HDAC9: variants seen among roughly 807,000 people sequenced by gnomAD.
HDAC9 encodes the protein MEF-2 interacting transcription repressor (MITR) protein.
A neutral mutation model predicts 139.4 loss-of-function variants in HDAC9; 41 were observed. The ratio of observed to expected loss-of-function variants is 0.29; its 90% CI spans 0.23 to 0.38. The LOEUF is 0.38. Among genes scored for constraint, HDAC9 ranks in the 10% least tolerant of loss-of-function variants. HDAC9 has a pLI of 1.00. For missense variants in HDAC9, 1,147 were observed against 1,297.0 expected (o/e 0.88, Z 1.78); for synonymous variants, 517 against 476.2 (o/e 1.09, Z -1.12).
rs534492125 is a variant in HDAC9 at position 18,115,013 on chromosome 7, C to T, written c.-97+27800C>T. On this transcript the variant is annotated intron_variant, in intron 1 of 12. Transcript: ENST00000417496. ...TATATTTCTAAAAAATTCATATGTC[C>T]GGGCACAGTGGCTCATGCCTGTAAT... is the stretch of plus-strand genomic sequence containing the variant. 1.8e-4 allele frequency among the ~76,000 whole-genome samples: 28 copies of T among 152,226 alleles called. No homozygotes were observed. In the East Asian group the frequency reaches 2.1e-3, roughly 12 times the overall value.
intron 2 of HDAC9, among the ~76,000 whole-genome samples, chr7:18,211,184 G>C (rs541912951): frequency 6.6e-6 from 1 of 152,264 alleles, no homozygotes; most frequent in African/African-American, 2.4e-5. Flanking sequence ...CATTTCACCC[G>C]TTGTTTTACA....
At chr7:18,582,056 C>T (rs75298448) in intron 2 of HDAC9, among the ~76,000 whole-genome samples, 10,289 of 152,250 alleles carry the variant, frequency 0.068, 613 homozygotes, top group African/African-American at 0.16. Flanking sequence ...CAGGCACATG[C>T]ACATGGACAT....
intron 6 of HDAC9, among the ~76,000 whole-genome samples, chr7:18,596,630 T>A (rs1268770738): frequency 6.6e-6 from 1 of 152,152 alleles, no homozygotes; most frequent in Non-Finnish European, 1.5e-5. Flanking sequence ...AGCTACATCA[T>A]ACTAAATGAA....
At chr7:18,335,930 C>G (rs1781551935) in intron 1 of HDAC9, among the ~76,000 whole-genome samples, 2 of 151,590 alleles carry the variant, frequency 1.3e-5, no homozygotes, top group Non-Finnish European at 3.0e-5. Context: ...TTCAGTCACA[C>G]AGACATTTTG....
intron 25 of HDAC9, among the ~76,000 whole-genome samples, chr7:18,989,686 T>C (rs1301539600): frequency 1.3e-5 from 2 of 149,226 alleles, no homozygotes; most frequent in Non-Finnish European, 3.0e-5. Flanking sequence ...CACTTTCAGG[T>C]ACACCAATCA....
chr7:18,333,893 T>G (rs2859972), intron 1 of HDAC9, among the ~76,000 whole-genome samples: 36,130 of 151,156 alleles, frequency 0.24, 4,387 homozygotes, highest in Middle Eastern at 0.27. Flanking sequence ...AGTACAGTTA[T>G]TTTAAAAATG....
At chr7:18,466,135 G>A (rs1416526526) in intron 1 of HDAC9, among the ~76,000 whole-genome samples, 8 of 152,118 alleles carry the variant, frequency 5.3e-5, no homozygotes, top group East Asian at 1.9e-4. Flanking sequence ...TGTTCTTAAC[G>A]ATGACCACTC....
At chr7:18,984,454 CAG>C (rs146444039) in intron 25 of HDAC9, among the ~76,000 whole-genome samples, 4 of 150,860 alleles carry the variant, frequency 2.7e-5, no homozygotes, top group Non-Finnish European at 4.4e-5. Flanking sequence ...TAAGCTTTCA[CAG>C]AGAGAGAGAG....
intron 12 of HDAC9, among the ~76,000 whole-genome samples, chr7:18,705,878 AT>A (rs533581703): frequency 0.018 from 2,597 of 142,292 alleles, 403 homozygotes; most frequent in African/African-American, 0.065. Flanking sequence ...ATAAAATAAA[AT>A]AAAAGAAATG....
exon 2 of HDAC9, chr7:18,162,238 C>T: frequency 1.6e-6 from 2 of 1,228,822 alleles, no homozygotes; most frequent in South Asian, 1.3e-5. Context: ...GGTTTCTCCT[C>T]TGCCAACCCC....
intron 21 of HDAC9, among the ~76,000 whole-genome samples, chr7:18,853,299 A>G (rs1797438571): frequency 6.6e-6 from 1 of 152,288 alleles, no homozygotes; most frequent in South Asian, 2.1e-4. Context: ...GAAGACTTCA[A>G]TCCATACCAG....
Position 18,457,374 on chromosome 7 carries a change from T to C in HDAC9, c.-41-38888T>C, listed in dbSNP as rs565212393. On this transcript the variant is annotated intron_variant, in intron 1 of 3. Transcript: ENST00000413509. ...GAAATTGCTTCAGTGAATATATTTG[T>C]GAAGAAATAAAATTGCTTCAGTGAA... Among the ~76,000 whole-genome samples the C allele has an allele frequency of 3.4e-4, 52 of 152,292 alleles. 1 individual carries two copies. The East Asian group carries it at 0.01, about 29-fold the overall frequency.
At chr7:18,326,830 C>T (rs1488262746) in intron 1 of HDAC9, among the ~76,000 whole-genome samples, 1 of 151,922 alleles carries the variant, frequency 6.6e-6, no homozygotes, top group Non-Finnish European at 1.5e-5. Flanking sequence ...AATCCGAGGT[C>T]TTCAGAGTTA....
chr7:18,949,945 A>G (rs1265350131), intron 23 of HDAC9, among the ~76,000 whole-genome samples: 3 of 152,036 alleles, frequency 2.0e-5, no homozygotes, highest in East Asian at 3.9e-4. Flanking sequence ...AAAGCATTAA[A>G]CAAACCAAAT....
intron 23 of HDAC9, among the ~76,000 whole-genome samples, chr7:18,941,308 A>G (rs1041663414): frequency 1.3e-5 from 2 of 151,210 alleles, no homozygotes; most frequent in African/African-American, 4.9e-5. Context: ...AGCTGCTTCT[A>G]TTTGACTTGA....
intron 2 of HDAC9, among the ~76,000 whole-genome samples, chr7:18,171,119 C>T (rs1208201869): frequency 6.6e-6 from 1 of 152,120 alleles, no homozygotes; most frequent in Non-Finnish European, 1.5e-5. Context: ...TCTTTTATTT[C>T]ATTGAGCAGT....
intron 1 of HDAC9, among the ~76,000 whole-genome samples, chr7:18,306,403 T>C (rs1798909925): frequency 1.3e-5 from 2 of 152,208 alleles, no homozygotes; most frequent in Admixed American, 6.5e-5. Flanking sequence ...GTTGATAGCA[T>C]CTGCTATGAT....
At chr7:18,174,430 A>C (rs1788714516) in intron 2 of HDAC9, among the ~76,000 whole-genome samples, 1 of 152,052 alleles carries the variant, frequency 6.6e-6, no homozygotes, top group Non-Finnish European at 1.5e-5. Flanking sequence ...GTTATTACTG[A>C]CCTTCTGAAG....
rs546288651 is a variant in HDAC9 at position 18,322,944 on chromosome 7, G to A, written c.-42+32429G>A. 5.3e-5 allele frequency among the ~76,000 whole-genome samples: 8 copies of A among 152,216 alleles called. No individual in the cohort carries two copies. The South Asian group carries it at 1.7e-3, about 32-fold the overall frequency. On this transcript the variant is annotated intron_variant, in intron 1 of 3. Coordinates refer to the HDAC9 transcript ENST00000413509. ...TTGGCTTGGGGAAGAAAAGGTGCCT[G>A]GTTTAGAGAAGGGTGTCAGGATGGA...
Sources: allele counts gnomAD v4.1 joint callset (sites outside exome capture counted in the v4.1 genomes callset), GRCh38; gene constraint gnomAD v4.1.1; transcripts MANE v1.5; gene names NCBI Gene and HGNC (gene_info 2026-07-23, HGNC 2026-07-21).